CDH18: variants seen among roughly 807,000 people sequenced by gnomAD.
The protein encoded by CDH18 is cadherin-18.
Under a neutral mutation model 67.9 loss-of-function variants are expected in CDH18, and 31 were observed. The observed-to-expected ratio is 0.46, with a 90% CI of 0.34 to 0.62. The LOEUF (loss-of-function observed/expected upper bound fraction) is 0.62. Among genes scored for constraint, CDH18 ranks in the 20% least tolerant of loss-of-function variants. The pLI is 0.01. For synonymous variants in CDH18, 362 were observed against 347.2 expected (o/e 1.04, Z -0.48); for missense variants, 890 against 975.5 (o/e 0.91, Z 1.17).
At chr5:19,476,467 A>G (rs1402487222) in intron 12 of CDH18, among the ~76,000 whole-genome samples, 4 of 152,052 alleles carry the variant, frequency 2.6e-5, no homozygotes, top group African/African-American at 7.2e-5. Flanking sequence ...TTTGCTGAAC[A>G]TAGGAAATAT....
intron 2 of CDH18, among the ~76,000 whole-genome samples, chr5:20,085,394 C>A (rs933223619): frequency 3.9e-5 from 6 of 152,132 alleles, no homozygotes; most frequent in Non-Finnish European, 8.8e-5. Context: ...TTCAACAAAT[C>A]CCTAGGAAAT....
chr5:19,994,855 T>TACAG (rs760777430), intron 2 of CDH18, among the ~76,000 whole-genome samples: 1 of 67,586 alleles, frequency 1.5e-5, no homozygotes, highest in African/African-American at 7.4e-5. Context: ...TATATATATA[T>TACAG]AGAGAGAGAG....
intron 1 of CDH18, among the ~76,000 whole-genome samples, chr5:20,340,542 G>A (rs1367084539): frequency 6.6e-6 from 1 of 152,176 alleles, no homozygotes; most frequent in Admixed American, 6.5e-5. Flanking sequence ...GCCTGTGTTG[G>A]GGACCACTGG....
At chr5:19,908,350 A>G (rs955480386) in intron 2 of CDH18, among the ~76,000 whole-genome samples, 31 of 152,254 alleles carry the variant, frequency 2.0e-4, no homozygotes, top group African/African-American at 7.5e-4. Flanking sequence ...TTAACTAAAA[A>G]TGTTTTTATT....
chr5:20,352,185 A>G (rs1741236424), intron 1 of CDH18, among the ~76,000 whole-genome samples: 1 of 152,180 alleles, frequency 6.6e-6, no homozygotes, highest in Non-Finnish European at 1.5e-5. Flanking sequence ...CTGAGACAGT[A>G]AGACCAACCT....
At chr5:19,495,287 A>G (rs1742103250) in intron 11 of CDH18, among the ~76,000 whole-genome samples, 1 of 152,182 alleles carries the variant, frequency 6.6e-6, no homozygotes, top group Non-Finnish European at 1.5e-5. Flanking sequence ...CTATCATTGA[A>G]CGGCATCCTT....
intron 1 of CDH18, among the ~76,000 whole-genome samples, chr5:20,486,717 G>T (rs1246476158): frequency 7.1e-6 from 1 of 140,736 alleles, no homozygotes; most frequent in Non-Finnish European, 1.6e-5. Flanking sequence ...GTGTGTGTGT[G>T]TATGTGTGTG....
intron 2 of CDH18, among the ~76,000 whole-genome samples, chr5:19,997,122 G>A (rs746067301): frequency 2.6e-5 from 4 of 151,976 alleles, no homozygotes; most frequent in Non-Finnish European, 4.4e-5. Context: ...GTTGGGATAG[G>A]TAGAATTTGA....
intron 1 of CDH18, among the ~76,000 whole-genome samples, chr5:20,326,448 C>A (rs28687389): frequency 6.6e-6 from 1 of 151,502 alleles, no homozygotes; most frequent in Non-Finnish European, 1.5e-5. Flanking sequence ...TGGGTAACAA[C>A]AAGGGACCTA....
At chr5:19,920,245 G>C in intron 2 of CDH18, among the ~76,000 whole-genome samples, 1 of 152,076 alleles carries the variant, frequency 6.6e-6, no homozygotes, top group East Asian at 1.9e-4. Flanking sequence ...TTAGACATTA[G>C]AAATTAATAA....
At chr5:20,315,022 A>G (rs1212051226) in intron 1 of CDH18, among the ~76,000 whole-genome samples, 1 of 152,136 alleles carries the variant, frequency 6.6e-6, no homozygotes, top group Non-Finnish European at 1.5e-5. Context: ...CAGTAGATCA[A>G]GAATAGAGTT....
intron 1 of CDH18, among the ~76,000 whole-genome samples, chr5:20,349,860 G>T (rs1332204153): frequency 6.6e-6 from 1 of 152,110 alleles, no homozygotes; most frequent in Non-Finnish European, 1.5e-5. Flanking sequence ...TAAACGAGCT[G>T]GAGCCAATAA....
rs184245602 is a variant in CDH18 at position 20,402,156 on chromosome 5, T to C, written c.-579-146651A>G. Among the ~76,000 whole-genome samples, 6 of 152,316 alleles carry C rather than the reference T, an allele frequency of 3.9e-5. No homozygotes were observed. In the East Asian group the frequency reaches 1.2e-3, roughly 29 times the overall value. ...TTTTGTGCAGGCTCTTTTTCAACGT[T>C]CAGCTCTCTACATGTAACCTACTCA... On this transcript the variant is annotated intron_variant, in intron 1 of 14. Transcript: ENST00000507958.
At chr5:19,502,841 C>T (rs1276772664) in intron 11 of CDH18, 151 bp downstream of exon 11, 1 of 669,704 alleles carries the variant, frequency 1.5e-6, no homozygotes, top group Non-Finnish European at 2.7e-6. Context: ...ATTTTAAACA[C>T]AAGCTATTCA....
intron 1 of CDH18, among the ~76,000 whole-genome samples, chr5:20,516,001 A>G (rs1755344297): frequency 6.6e-6 from 1 of 152,014 alleles, no homozygotes; most frequent in African/African-American, 2.4e-5. Flanking sequence ...CATTTCCATT[A>G]ATTTGTCATT....
intron 1 of CDH18, among the ~76,000 whole-genome samples, chr5:20,543,686 G>T (rs1371217788): frequency 6.6e-6 from 1 of 151,998 alleles, no homozygotes; most frequent in Non-Finnish European, 1.5e-5. Flanking sequence ...CTAAATATGT[G>T]CAAAGATGTA....
chr5:19,564,173 T>C (rs894154276), intron 8 of CDH18, among the ~76,000 whole-genome samples: 3 of 152,022 alleles, frequency 2.0e-5, no homozygotes, highest in East Asian at 1.9e-4. Flanking sequence ...AATTCCTGAG[T>C]AAGCCTTGGT....
At chr5:19,971,586 C>G (rs1272891731) in intron 2 of CDH18, among the ~76,000 whole-genome samples, 1 of 151,798 alleles carries the variant, frequency 6.6e-6, no homozygotes, top group African/African-American at 2.4e-5. Flanking sequence ...ACCATGAAAC[C>G]TACTATATGA....
chr5:20,033,845 A>T (rs1739612396), intron 2 of CDH18, among the ~76,000 whole-genome samples: 2 of 152,072 alleles, frequency 1.3e-5, no homozygotes. Context: ...AGTTATTTAC[A>T]GTTTAATTTC....
Sources: gnomAD v4.1 joint callset for allele counts (sites outside exome capture counted in the v4.1 genomes callset) on GRCh38, gnomAD v4.1.1 for gene constraint, MANE v1.5 for transcripts, NCBI Gene and HGNC (gene_info 2026-07-23, HGNC 2026-07-21) for gene names.